Variants in SNX9 observed in about 807,000 individuals in gnomAD.
SNX9 encodes sorting nexin 9.
A neutral mutation model predicts 89.4 loss-of-function variants in SNX9; 44 were observed. That is an observed-to-expected ratio of 0.49 (90% CI 0.39 to 0.63). SNX9 has a LOEUF of 0.63. SNX9 is among the 30% of genes least tolerant of loss of function. The probability of loss-of-function intolerance (pLI) is 0.00; values close to 1 mark genes in which losing one functional copy is unlikely to be tolerated. For synonymous variants in SNX9, 236 were observed against 247.8 expected, an observed-to-expected ratio of 0.95 and a Z score of 0.45; for missense variants, 578 against 736.1, an observed-to-expected ratio of 0.79 and a Z score of 2.49.
intron 2 of SNX9, among the ~76,000 whole-genome samples, chr6:157,870,310 A>T (rs1583209216): frequency 1.3e-5 from 2 of 149,350 alleles, no homozygotes; most frequent in South Asian, 4.3e-4. Context: ...GAGCACGCAC[A>T]CACACCTACT....
intron 4 of SNX9, among the ~76,000 whole-genome samples, chr6:157,876,322 G>A (rs771389317): frequency 6.6e-6 from 1 of 152,104 alleles, no homozygotes; most frequent in South Asian, 2.1e-4. Context: ...TGTGGTGGCA[G>A]GCACCTGTAA....
chr6:157,861,582 T>C lies in SNX9; in HGVS notation c.13-5965T>C, dbSNP rs375100307. ...TTTTATAGCGATAACTATAATATTC[T>C]GTATTTAGTTCACATAACAGTGGAG... On this transcript the variant is annotated intron_variant, in intron 1 of 17. Transcript: ENST00000392185. Among the ~76,000 whole-genome samples, 10 of 152,342 alleles carry C rather than the reference T, an allele frequency of 6.6e-5. No homozygotes were observed. The South Asian group carries it at 2.1e-3, about 32-fold the overall frequency.
chr6:157,914,764 T>C (rs1783428116), intron 9 of SNX9, among the ~76,000 whole-genome samples: 1 of 152,144 alleles, frequency 6.6e-6, no homozygotes, highest in South Asian at 2.1e-4. Flanking sequence ...AGGCATGAGC[T>C]ACCACACTAG....
chr6:157,899,435 TA>T (rs1242943246), intron 5 of SNX9, among the ~76,000 whole-genome samples: 1 of 152,178 alleles, frequency 6.6e-6, no homozygotes. Flanking sequence ...GTGTACCACT[TA>T]ACATTCTTAC....
intron 1 of SNX9, among the ~76,000 whole-genome samples, chr6:157,856,297 G>A (rs1458455264): frequency 6.6e-6 from 1 of 152,166 alleles, no homozygotes; most frequent in African/African-American, 2.4e-5. Context: ...GTATAATAAA[G>A]CTGTTTGTAA....
At chr6:157,918,415 C>G (rs1295278104) in intron 9 of SNX9, among the ~76,000 whole-genome samples, 1 of 152,070 alleles carries the variant, frequency 6.6e-6, no homozygotes, top group Non-Finnish European at 1.5e-5. Context: ...ATTAATATAG[C>G]CACTCCATTT....
Position 157,873,173 on chromosome 6 carries a change from T to C in SNX9, c.171T>C (p.Val57=). 1 of 1,589,058 alleles carries C rather than the reference T, an allele frequency of 6.3e-7. No homozygotes were observed. ...GAGGGCTGGTTCCCACAGACTACGTTGAAGTAAGAGCTTCCTGTCATTCAT... is the reference window on the plus strand; with the variant it reads ...GAGGGCTGGTTCCCACAGACTACGTCGAAGTAAGAGCTTCCTGTCATTCAT... ...GERGLVPTDY[V]EILPSDGKDQ... is the part of the protein sequence containing the mutation. The change falls in exon 3 of 18, where the codon GTT becomes GTC. Residue 57 remains valine (V), a synonymous_variant. Coordinates refer to ENST00000392185, the MANE Select transcript of SNX9 (RefSeq NM_016224.5).
At chr6:157,908,634 G>T (rs1229334903) in intron 7 of SNX9, among the ~76,000 whole-genome samples, 4 of 152,142 alleles carry the variant, frequency 2.6e-5, no homozygotes, top group Non-Finnish European at 4.4e-5. Context: ...CTCTGCAGCT[G>T]CCCCCATGGC....
chr6:157,915,363 GT>G (rs1245361057), intron 9 of SNX9, among the ~76,000 whole-genome samples: 3 of 151,858 alleles, frequency 2.0e-5, no homozygotes, highest in Non-Finnish European at 4.4e-5. Context: ...CATTGATTCT[GT>G]AGATCAATTT....
At chr6:157,824,318 G>A (rs1416392448) in intron 1 of SNX9, among the ~76,000 whole-genome samples, 1 of 152,210 alleles carries the variant, frequency 6.6e-6, no homozygotes, top group Non-Finnish European at 1.5e-5. Flanking sequence ...AGCCACTGGG[G>A]AAGTCACGGT....
At position 157,827,056 on chromosome 6, in the gene SNX9, TAA is replaced by T. The variant is rs1236257613; in HGVS notation, c.12+3612_12+3613del. 5.8e-3 allele frequency among the ~76,000 whole-genome samples: 39 copies of T among 6,692 alleles called. 5 individuals are homozygous for T. The highest frequency in any genetic ancestry group is 0.033 in the South Asian group (2 of 60). 4.4% of individuals were successfully genotyped at this position (6,692 alleles called of 152,430 possible). ...TATATATTATAGTTTATATAATATA[TAA>T]ACATATATTATAGTTTATATAATAT... On this transcript the variant is annotated intron_variant, in intron 1 of 17. Transcript: ENST00000392185.
At chr6:157,902,706 C>CA (rs1783131270) in intron 6 of SNX9, among the ~76,000 whole-genome samples, 1 of 152,256 alleles carries the variant, frequency 6.6e-6, no homozygotes. Flanking sequence ...CTCGCTCTGT[C>CA]ACCCAGGCTG....
intron 4 of SNX9, among the ~76,000 whole-genome samples, chr6:157,891,027 C>CTCT (rs1184215773): frequency 5.4e-4 from 62 of 114,924 alleles, no homozygotes; most frequent in African/African-American, 2.1e-3. Context: ...TTTTCTTTCT[C>CTCT]TTTTTTTTTT....
At chr6:157,932,536 A>G (rs557488866) in intron 13 of SNX9, among the ~76,000 whole-genome samples, 2 of 152,098 alleles carry the variant, frequency 1.3e-5, no homozygotes, top group South Asian at 2.1e-4. Context: ...TTTCAATGCC[A>G]TCAGTTTCAT....
At chr6:157,857,547 C>G (rs901963421) in intron 1 of SNX9, among the ~76,000 whole-genome samples, 8 of 151,818 alleles carry the variant, frequency 5.3e-5, no homozygotes, top group African/African-American at 1.9e-4. Flanking sequence ...CAGATAGTTA[C>G]TTATTTGTTC....
intron 1 of SNX9, among the ~76,000 whole-genome samples, chr6:157,840,006 C>A (rs1435028859): frequency 1.3e-5 from 2 of 152,108 alleles, no homozygotes; most frequent in South Asian, 4.2e-4. Context: ...TGAAAAAAAA[C>A]AAGAAAGCCT....
chr6:157,923,069 G>T (rs575892263), intron 10 of SNX9, among the ~76,000 whole-genome samples: 6 of 152,174 alleles, frequency 3.9e-5, no homozygotes, highest in African/African-American at 7.2e-5. Context: ...AGTTGTGTTG[G>T]TTTTTTTAAA....
chr6:157,863,270 G>T (rs992532102), intron 1 of SNX9, among the ~76,000 whole-genome samples: 2 of 152,230 alleles, frequency 1.3e-5, no homozygotes, highest in African/African-American at 4.8e-5. Context: ...AGAAGAGGAG[G>T]TATGTGTTAA....
chr6:157,868,798 G>C (rs762524113), intron 2 of SNX9, among the ~76,000 whole-genome samples: 14 of 152,208 alleles, frequency 9.2e-5, no homozygotes, highest in African/African-American at 1.4e-4. Context: ...AAAGCAGATA[G>C]GGAGAATTTG....
Sources: gnomAD v4.1 joint callset for allele counts (sites outside exome capture counted in the v4.1 genomes callset) on GRCh38, gnomAD v4.1.1 for gene constraint, MANE v1.5 for transcripts, NCBI Gene and HGNC (gene_info 2026-07-23, HGNC 2026-07-21) for gene names.